AMER1: variants seen among roughly 807,000 people sequenced by gnomAD.
AMER1 encodes APC membrane recruitment protein 1.
AMER1 carries 16 observed loss-of-function variants against 53.0 expected under a neutral mutation model. That is an observed-to-expected ratio of 0.30 (90% CI 0.20 to 0.46). The LOEUF (loss-of-function observed/expected upper bound fraction) is 0.46. Among genes scored for constraint, AMER1 ranks in the 20% least tolerant of loss-of-function variants. The probability of loss-of-function intolerance (pLI) is 1.00; values close to 1 mark genes in which losing one functional copy is unlikely to be tolerated. For missense variants in AMER1, 947 were observed against 884.9 expected (o/e 1.07, Z -0.89); for synonymous variants, 354 against 331.9 (o/e 1.07, Z -0.73).
Position 64,188,796 on chromosome X carries a change from A to C in AMER1, c.*1083T>G. 1.2e-6 allele frequency: 1 copy of C among 803,471 alleles called. No individual in the cohort carries two copies. Among genetic ancestry groups the C allele is most frequent in the Non-Finnish European group, 1.5e-6 (1 of 670,114 alleles). 66.2% of individuals were successfully genotyped at this position (803,471 alleles called of 1,213,427 possible). On this transcript the variant is annotated 3_prime_UTR_variant, in exon 2 of 2. Transcript: ENST00000374869. Reference sequence around the variant, plus strand: ...CCCTCATTTTCTATCTTTCCCCTACACTCCACAAAAACCCCAGCCCCTATA... The same window carrying C: ...CCCTCATTTTCTATCTTTCCCCTACCCTCCACAAAAACCCCAGCCCCTATA...
At chrX:64,196,411 T>C (rs1930370542) in intron 1 of AMER1, among the ~76,000 whole-genome samples, 1 of 112,338 alleles carries the variant, frequency 8.9e-6, no homozygotes, top group Non-Finnish European at 1.9e-5. Flanking sequence ...CTTTATAAAC[T>C]GTATAGTACA....
rs1930088141 is a variant in AMER1, at chrX:64,185,569, G to C, written c.*4310C>G. 1 of 167,128 alleles carries C rather than the reference G, an allele frequency of 6.0e-6. No homozygotes were observed. Among genetic ancestry groups the C allele is most frequent in the Non-Finnish European group, 1.1e-5 (1 of 88,479 alleles). 13.8% of individuals were successfully genotyped at this position (167,128 alleles called of 1,213,427 possible). ...CATACCATGTGGATTTTCTTCTTTG[G>C]AGTGACTATAGGATTGGAAAGTCAG... is the stretch of plus-strand genomic sequence containing the variant. On this transcript the variant is annotated 3_prime_UTR_variant, in exon 2 of 2. Transcript: ENST00000374869.
rs1930132683 is a variant in AMER1, at chrX:64,187,486, C to T, written c.*2393G>A. On this transcript the variant is annotated 3_prime_UTR_variant, in exon 2 of 2. Coordinates refer to ENST00000374869, the MANE Select transcript of AMER1 (RefSeq NM_152424.4). Reference sequence around the variant, plus strand: ...TGCCCCTCAGAGACAATGCCTCATGCTGCCTTCCTGATCCTGAGGGCAGCT... The same window carrying T: ...TGCCCCTCAGAGACAATGCCTCATGTTGCCTTCCTGATCCTGAGGGCAGCT... 2.5e-6 allele frequency: 2 copies of T among 786,322 alleles called. No individual in the cohort carries two copies. Among genetic ancestry groups the T allele is most frequent in the Non-Finnish European group, 3.0e-6 (2 of 658,232 alleles). 64.8% of individuals were successfully genotyped at this position (786,322 alleles called of 1,213,427 possible).
Position 64,190,373 on chromosome X carries a change from G to T in AMER1, c.2914C>A (p.Pro972Thr), listed in dbSNP as rs1602066666. The T allele has an allele frequency of 1.7e-6, 2 of 1,211,598 alleles. No homozygotes were observed. The highest frequency in any genetic ancestry group is 2.2e-6 in the Non-Finnish European group (2 of 895,331). Residue 972 changes from proline to threonine, a missense_variant, in exon 2 of 2, where the codon CCT becomes ACT. Transcript: ENST00000374869. ...AACTGGTTGGGGCTTATCCAGGCAG[G>T]ACCTGGCCCCACTGGAAGAGGACAG... ...APCPLPVGPG[P>T]AWISPNQLDR... is the part of the protein sequence containing the mutation.
chrX:64,195,778 TA>T (rs1324255612), intron 1 of AMER1, among the ~76,000 whole-genome samples: 1 of 112,579 alleles, frequency 8.9e-6, no homozygotes, highest in African/African-American at 3.2e-5. Context: ...ACCGCTGCCT[TA>T]AAGAATAGCC....
At chrX:64,198,319 A>G (rs1930418900) in intron 1 of AMER1, among the ~76,000 whole-genome samples, 1 of 111,544 alleles carries the variant, frequency 9.0e-6, no homozygotes, top group Non-Finnish European at 1.9e-5. Context: ...CAGGGTATTT[A>G]CCACTTTATA....
rs368031008 is a variant in AMER1, at chrX:64,190,462, C to G, written c.2825G>C (p.Arg942Pro). 1 of 1,211,779 alleles carries G rather than the reference C, an allele frequency of 8.3e-7. No individual in the cohort carries two copies. Among genetic ancestry groups the G allele is most frequent in the African/African-American group, 1.7e-5 (1 of 57,811 alleles). ...DEEEEEGEWS[R>P]DSPLSLYTEP... ...AGTATAGAGGGAAAGGGGACTGTCT[C>G]GGCTCCATTCTCCTTCTTCCTCCTC... The change falls in exon 2 of 2, where the codon CGA (arginine) becomes CCA (proline). Residue 942 changes from arginine (R) to proline (P), a missense_variant. Physicochemically the swap from Arg to Pro is moderately radical, Grantham distance 103. Coordinates refer to ENST00000374869, the MANE Select transcript of AMER1 (RefSeq NM_152424.4).
In AMER1 at chrX:64,188,006, G is replaced by C. The variant is rs5964737; in HGVS notation, c.*1873C>G. ...CCAGGGGTGCAGCTTCTACCAGCCA[G>C]GTCTGCTATTTGTGAGTAAGGGCAC... On this transcript the variant is annotated 3_prime_UTR_variant, in exon 2 of 2. Coordinates refer to ENST00000374869, the MANE Select transcript of AMER1 (RefSeq NM_152424.4). 27,038 of 779,499 alleles carry C rather than the reference G, an allele frequency of 0.035. 4,138 individuals are homozygous for C. In the African/African-American group the frequency reaches 0.49, roughly 14 times the overall value. The allele number at this position is 779,499 out of a possible 1,213,427, so 64.2% of individuals were successfully genotyped here. A position where few individuals can be genotyped will look rare whatever the true frequency, so the allele number is the denominator to read the frequency against.
Position 64,190,533 on chromosome X carries a change from A to G in AMER1, c.2754T>C (p.Ser918=), listed in dbSNP as rs372243868. The G allele has an allele frequency of 8.3e-7, 1 of 1,211,792 alleles. No homozygotes were observed. The highest frequency in any genetic ancestry group is 1.1e-6 in the Non-Finnish European group (1 of 895,494). Reference sequence around the variant, plus strand: ...CTTCCTGCTGGGCCTGCAGCTCATCAGACTCGAGGTAGCCCTGGACCAAGT... The same window carrying G: ...CTTCCTGCTGGGCCTGCAGCTCATCGGACTCGAGGTAGCCCTGGACCAAGT... ...NSHLVQGYLE[S]DELQAQQEDS... is the part of the protein sequence containing the mutation. Residue 918 remains serine (S), a synonymous_variant, in exon 2 of 2, where the codon TCT becomes TCC. Transcript: ENST00000374869.
chrX:64,201,399 C>T (rs985197915), intron 1 of AMER1, among the ~76,000 whole-genome samples: 4 of 106,891 alleles, frequency 3.7e-5, no homozygotes, highest in East Asian at 3.0e-4. Flanking sequence ...TCCAATAGAT[C>T]GTTAAGCAGA....
chrX:64,194,723 C>T (rs767239087), intron 1 of AMER1, among the ~76,000 whole-genome samples: 1 of 111,531 alleles, frequency 9.0e-6, no homozygotes, highest in Non-Finnish European at 1.9e-5. Context: ...GGACAGTACA[C>T]CAGGCCTGTG....
Position 64,189,793 on chromosome X carries a change from A to ACGGGGGGCCCCCCCCCCCCCCCCC in AMER1, c.*85_*86insGGGGGGGGGGGGGGGGGCCCCCCG. 1 of 292,071 alleles carries ACGGGGGGCCCCCCCCCCCCCCCCC rather than the reference A, an allele frequency of 3.4e-6. No homozygotes were observed. Among genetic ancestry groups the ACGGGGGGCCCCCCCCCCCCCCCCC allele is most frequent in the Non-Finnish European group, 4.9e-6 (1 of 204,829 alleles). 24.1% of individuals were successfully genotyped at this position (292,071 alleles called of 1,213,427 possible). ...CAAAGGGTTTTCAAGTTAAACAACA[A>ACGGGGGGCCCCCCCCCCCCCCCCC]CCCCCACCCCCCCACCCTTCTGCCC... On this transcript the variant is annotated 3_prime_UTR_variant, in exon 2 of 2. Transcript: ENST00000374869.
rs1292666084 is a variant in AMER1, at chrX:64,193,009, C to T, written c.278G>A (p.Ser93Asn). 11 of 1,212,006 alleles carry T rather than the reference C, an allele frequency of 9.1e-6. No homozygotes were observed. The highest frequency in any genetic ancestry group is 1.7e-5 in the African/African-American group (1 of 57,861). ...KGSSKKGLSK[S>N]KTHDGLSEAA... ...TTCACTCAGGCCATCGTGGGTCTTGCTCTTGCTGAGACCTTTCTTGGAGCT... is the reference window on the plus strand; with the variant it reads ...TTCACTCAGGCCATCGTGGGTCTTGTTCTTGCTGAGACCTTTCTTGGAGCT... Residue 93 changes from serine (S) to asparagine (N), a missense_variant, in exon 2 of 2, where the codon AGC becomes AAC. Coordinates refer to ENST00000374869, the MANE Select transcript of AMER1 (RefSeq NM_152424.4).
chrX:64,200,510 T>G (rs766958270), intron 1 of AMER1, among the ~76,000 whole-genome samples: 2 of 112,063 alleles, frequency 1.8e-5, no homozygotes, highest in South Asian at 7.4e-4. Context: ...GACTTCTGAG[T>G]TAACTTGAGC....
chrX:64,190,015 C>G lies in AMER1; in HGVS notation c.3272G>C (p.Arg1091Pro). The change falls in exon 2 of 2, where the codon CGG (arginine) becomes CCG (proline). Residue 1091 changes from arginine to proline, a missense_variant. Coordinates refer to ENST00000374869, the MANE Select transcript of AMER1 (RefSeq NM_152424.4). ...THGIPQLPRVRPEHPQPQPTH... is the reference protein window; with the variant it reads ...THGIPQLPRVPPEHPQPQPTH... ...GGGCTGAGGCTGGGGGTGCTCAGGCCGGACCCTGGGCAGCTGAGGAATGCC... is the reference window on the plus strand; with the variant it reads ...GGGCTGAGGCTGGGGGTGCTCAGGCGGGACCCTGGGCAGCTGAGGAATGCC... 1 of 1,206,742 alleles carries G rather than the reference C, an allele frequency of 8.3e-7. No homozygotes were observed.
chrX:64,192,661 C>A lies in AMER1; in HGVS notation c.626G>T (p.Ser209Ile), dbSNP rs1234332616. ...RVRARPHEHV[S>I]SAPQVPCFEE... Reference sequence around the variant, plus strand: ...AAAGCAGGGCACCTGAGGGGCTGAGCTCACGTGCTCATGAGGCCTGGCTCT... The same window carrying A: ...AAAGCAGGGCACCTGAGGGGCTGAGATCACGTGCTCATGAGGCCTGGCTCT... Residue 209 changes from serine to isoleucine, a missense_variant, in exon 2 of 2, where the codon AGC becomes ATC. Ser to Ile is a moderately radical substitution (Grantham distance 142). Transcript: ENST00000374869. 3.4e-6 allele frequency: 4 copies of A among 1,164,814 alleles called. No homozygotes were observed. In the African/African-American group the frequency reaches 7.2e-5, roughly 21 times the overall value.
At chrX:64,199,961 T>G (rs1473333640) in intron 1 of AMER1, among the ~76,000 whole-genome samples, 1 of 112,546 alleles carries the variant, frequency 8.9e-6, no homozygotes, top group Non-Finnish European at 1.9e-5. Flanking sequence ...GTCTGGGAGA[T>G]GTGGTCACCC....
At chrX:64,203,285 C>T (rs1487786194) in intron 1 of AMER1, among the ~76,000 whole-genome samples, 1 of 111,566 alleles carries the variant, frequency 9.0e-6, no homozygotes, top group Non-Finnish European at 1.9e-5. Flanking sequence ...TAGGCACACT[C>T]AATACATATC....
chrX:64,188,686 A>G lies in AMER1; in HGVS notation c.*1193T>C. On this transcript the variant is annotated 3_prime_UTR_variant, in exon 2 of 2. Transcript: ENST00000374869. ...ACATTTTGTGTTGGGAGGCTTGAGA[A>G]GGGAGTTTTCCCTTTTAAGAAACTG... 1.2e-6 allele frequency: 1 copy of G among 800,305 alleles called. No individual in the cohort carries two copies. The highest frequency in any genetic ancestry group is 1.5e-6 in the Non-Finnish European group (1 of 667,601). 66.0% of individuals were successfully genotyped at this position (800,305 alleles called of 1,213,427 possible).
Sources: gnomAD v4.1 joint callset for allele counts (sites outside exome capture counted in the v4.1 genomes callset) on GRCh38, gnomAD v4.1.1 for gene constraint, MANE v1.5 for transcripts, NCBI Gene and HGNC (gene_info 2026-07-23, HGNC 2026-07-21) for gene names.